Variants in NLRP3 observed in about 807,000 individuals in gnomAD.
NLRP3 encodes NLR family pyrin domain containing 3, also known as NACHT, LRR and PYD domains-containing protein 3.
Under a neutral mutation model 91.3 loss-of-function variants are expected in NLRP3, and 48 were observed. That is an observed-to-expected ratio of 0.53 (90% confidence interval 0.42 to 0.67). NLRP3 has a LOEUF of 0.67. Ranked by LOEUF, NLRP3 falls within the 30% of genes least tolerant of loss-of-function variation. The pLI, the probability that NLRP3 is intolerant of heterozygous loss-of-function variation, is 0.00. For synonymous variants in NLRP3, 561 were observed against 507.9 expected (o/e 1.10, Z -1.41); for missense variants, 982 against 1,276.9 (o/e 0.77, Z 3.52).
At chr1:247,429,159 C>T (rs112817892) in intron 4 of NLRP3, among the ~76,000 whole-genome samples, 1 of 152,162 alleles carries the variant, frequency 6.6e-6, no homozygotes, top group Non-Finnish European at 1.5e-5. Context: ...TCCCAAAGTG[C>T]TGGGATTACA....
Position 247,429,621 on chromosome 1 carries a change from G to C in NLRP3, c.2187G>C (p.Arg729=). 1 of 1,614,124 alleles carries C rather than the reference G, an allele frequency of 6.2e-7. No individual in the cohort carries two copies. The highest frequency in any genetic ancestry group is 8.5e-7 in the Non-Finnish European group (1 of 1,180,020). Residue 729 remains arginine (R), a synonymous_variant, in exon 5 of 10, where the codon CGG becomes CGC. Coordinates refer to ENST00000336119, the MANE Select transcript of NLRP3 (RefSeq NM_001243133.2). ...VNSHLTSSFC[R]GLFSVLSTSQ... ...GCCACCTCACTTCCAGTTTTTGCCGGGGCCTCTTTTCAGTTCTGAGCACCA... is the reference window on the plus strand; with the variant it reads ...GCCACCTCACTTCCAGTTTTTGCCGCGGCCTCTTTTCAGTTCTGAGCACCA...
chr1:247,428,904 T>C (rs933539229), intron 4 of NLRP3, among the ~76,000 whole-genome samples: 6 of 151,624 alleles, frequency 4.0e-5, no homozygotes, highest in African/African-American at 7.3e-5. Flanking sequence ...TTCTTTTTTT[T>C]TTTTTTGAGA....
chr1:247,439,697 C>G (rs144883463), intron 7 of NLRP3, among the ~76,000 whole-genome samples: 6 of 152,220 alleles, frequency 3.9e-5, no homozygotes, highest in Non-Finnish European at 5.9e-5. Flanking sequence ...AACACCCTAT[C>G]TATTGAAACT....
At position 247,444,274 on chromosome 1, in the gene NLRP3, G is replaced by C. The variant is rs563684981; in HGVS notation, c.2834+132G>C. ...TCTTCTTAGTGTTTGCCTTGTTACA[G>C]GATCATGGGACTGGGAGGAGTCCTT... is the stretch of plus-strand genomic sequence containing the variant. On this transcript the variant is annotated intron_variant, in intron 8 of 9. Transcript: ENST00000336119. 3.8e-5 allele frequency: 37 copies of C among 966,166 alleles called. No individual in the cohort carries two copies. The African/African-American group carries it at 5.7e-4, about 15-fold the overall frequency. 59.8% of individuals were successfully genotyped at this position (966,166 alleles called of 1,614,324 possible).
intron 5 of NLRP3, 104 bp downstream of exon 5, chr1:247,429,859 T>G: frequency 7.2e-7 from 1 of 1,397,354 alleles, no homozygotes; most frequent in Non-Finnish European, 9.9e-7. Flanking sequence ...CTGGTGTGGT[T>G]TCTTTCTTTT....
At chr1:247,441,121 TTC>T (rs1470692684) in intron 7 of NLRP3, among the ~76,000 whole-genome samples, 22 of 91,184 alleles carry the variant, frequency 2.4e-4, no homozygotes, top group East Asian at 6.6e-4. Context: ...TTCTCTCTTT[TTC>T]TTTTTCTCTT....
chr1:247,448,263 TCC>T (rs1265473157), intron 9 of NLRP3, 140 bp from the exon 10 acceptor site: 2 of 606,456 alleles, frequency 3.3e-6, no homozygotes, highest in Non-Finnish European at 5.8e-6. Context: ...GGAGTTGTGG[TCC>T]CTCTTTTTTT....
intron 9 of NLRP3, among the ~76,000 whole-genome samples, chr1:247,445,833 G>A (rs999776919): frequency 6.6e-6 from 1 of 151,328 alleles, no homozygotes; most frequent in Non-Finnish European, 1.5e-5. Flanking sequence ...TCAGAGCTTA[G>A]TCGCTGGGCT....
chr1:247,440,164 C>G (rs916760610), intron 7 of NLRP3, among the ~76,000 whole-genome samples: 3 of 152,126 alleles, frequency 2.0e-5, no homozygotes, highest in African/African-American at 7.2e-5. Flanking sequence ...TTCTCTCGAA[C>G]TTTGGGTCCT....
chr1:247,434,918 C>A (rs1663672214), intron 6 of NLRP3, among the ~76,000 whole-genome samples: 1 of 152,186 alleles, frequency 6.6e-6, no homozygotes, highest in Non-Finnish European at 1.5e-5. Context: ...ACTACTGGAG[C>A]CAGCATTTCC....
In NLRP3 at chr1:247,424,118, G is replaced by C. The variant is rs1422883098; in HGVS notation, c.669G>C (p.Gln223His). The C allele has an allele frequency of 2.5e-6, 4 of 1,613,956 alleles. No homozygotes were observed. The highest frequency in any genetic ancestry group is 3.3e-5 in the Admixed American group (2 of 59,976). The change falls in exon 4 of 10, where the codon CAG becomes CAC. Residue 223 changes from glutamine (Q) to histidine (H), a missense_variant. Physicochemically the swap from Gln to His is conservative, Grantham distance 24 (BLOSUM62 0). This residue lies in a region of NLRP3 where 548 missense variants were observed against 713.7 expected (regional missense o/e 0.77). Coordinates refer to ENST00000336119, the MANE Select transcript of NLRP3 (RefSeq NM_001243133.2). The surrounding 1 kb of genome is among the most constrained non-coding windows in gnomAD (Gnocchi z 8.1). ...AGCCTGTGCACACCGTGGTGTTCCA[G>C]GGGGCGGCAGGGATTGGGAAAACAA... ...HSEPVHTVVF[Q>H]GAAGIGKTIL... is the part of the protein sequence containing the mutation.
intron 4 of NLRP3, among the ~76,000 whole-genome samples, chr1:247,427,043 G>A (rs1170730945): frequency 1.3e-5 from 2 of 152,228 alleles, no homozygotes; most frequent in Non-Finnish European, 2.9e-5. Flanking sequence ...ATAAGCAAAA[G>A]GAAGGTTCAC....
intron 2 of NLRP3, among the ~76,000 whole-genome samples, chr1:247,421,899 T>A (rs1662484416): frequency 1.3e-5 from 2 of 152,194 alleles, no homozygotes; most frequent in Non-Finnish European, 2.9e-5. Context: ...CTCAGGTGGC[T>A]GAAGTGGGTG....
chr1:247,421,459 T>G (rs1176420602), intron 2 of NLRP3, among the ~76,000 whole-genome samples: 1 of 152,120 alleles, frequency 6.6e-6, no homozygotes, highest in Non-Finnish European at 1.5e-5. Context: ...CATCTCTAAG[T>G]AAATAAAGCA....
chr1:247,435,434 G>A (rs531814587), intron 6 of NLRP3, among the ~76,000 whole-genome samples: 19 of 152,240 alleles, frequency 1.2e-4, no homozygotes, highest in South Asian at 6.2e-4. Flanking sequence ...GATGAGCCTC[G>A]GGGACATTAT....
chr1:247,444,618 G>A (rs765778264), intron 8 of NLRP3, 33 bp from the exon 9 acceptor site: 3 of 1,611,998 alleles, frequency 1.9e-6, no homozygotes, highest in East Asian at 2.2e-5. Context: ...ATGGTTAAGG[G>A]GACATTTTCT....
At chr1:247,443,069 G>A (rs1664334758) in intron 7 of NLRP3, among the ~76,000 whole-genome samples, 1 of 152,086 alleles carries the variant, frequency 6.6e-6, no homozygotes, top group African/African-American at 2.4e-5. Context: ...GGGATTACAG[G>A]TGCCCACCAC....
At position 247,444,098 on chromosome 1, in the gene NLRP3, C is replaced by T. The variant is rs754415333; in HGVS notation, c.2790C>T (p.Leu930=). 1 of 1,614,202 alleles carries T rather than the reference C, an allele frequency of 6.2e-7. No individual in the cohort carries two copies. Among genetic ancestry groups the T allele is most frequent in the Admixed American group, 1.7e-5 (1 of 60,022 alleles). Residue 930 remains leucine (L), a synonymous_variant, in exon 8 of 10, where the codon CTC becomes CTT. Transcript: ENST00000336119. ...NTLGDKGIKL[L]CEGLLHPDCK... ...TCGGAGACAAGGGGATCAAACTACT[C>T]TGTGAGGGACTCTTGCACCCCGACT... is the stretch of plus-strand genomic sequence containing the variant.
chr1:247,440,390 C>T (rs1041834594), intron 7 of NLRP3, among the ~76,000 whole-genome samples: 2 of 152,042 alleles, frequency 1.3e-5, no homozygotes, highest in Admixed American at 6.5e-5. Flanking sequence ...GCTCTGCTTT[C>T]GGTTCCCTCT....
Sources: gnomAD v4.1 joint callset for allele counts (sites outside exome capture counted in the v4.1 genomes callset) on GRCh38, gnomAD v4.1.1 for gene constraint, gnomAD v4.1.1 regional missense constraint, Gnocchi (gnomAD v3.1) non-coding constraint, MANE v1.5 for transcripts, NCBI Gene and HGNC (gene_info 2026-07-23, HGNC 2026-07-21) for gene names.